Variants in CADM2 observed in about 807,000 individuals in gnomAD.
CADM2 encodes the protein cell adhesion molecule 2.
CADM2 carries 12 observed loss-of-function variants against 49.8 expected under a neutral mutation model. The ratio of observed to expected loss-of-function variants is 0.24; its 90% CI spans 0.15 to 0.39. CADM2 has a LOEUF of 0.39. Ranked by LOEUF, CADM2 falls within the 10% of genes least tolerant of loss-of-function variation. The pLI is 1.00. For synonymous variants in CADM2, 214 were observed against 175.4 expected, an observed-to-expected ratio of 1.22 and a Z score of -1.74; for missense variants, 378 against 492.3, an observed-to-expected ratio of 0.77 and a Z score of 2.20.
At chr3:85,099,807 T>A (rs1475301649) in intron 1 of CADM2, among the ~76,000 whole-genome samples, 1 of 152,056 alleles carries the variant, frequency 6.6e-6, no homozygotes, top group African/African-American at 2.4e-5. Flanking sequence ...TTTGCATGCA[T>A]GGCTATACAC....
intron 8 of CADM2, among the ~76,000 whole-genome samples, chr3:86,042,197 A>G (rs1321318790): frequency 6.6e-6 from 1 of 152,178 alleles, no homozygotes; most frequent in Non-Finnish European, 1.5e-5. Flanking sequence ...ACACATTCAA[A>G]AGCTAGCAGA....
At chr3:85,533,345 G>A (rs1301298160) in intron 1 of CADM2, among the ~76,000 whole-genome samples, 1 of 152,074 alleles carries the variant, frequency 6.6e-6, no homozygotes, top group Non-Finnish European at 1.5e-5. Context: ...AGCACAGCAG[G>A]TGATATTGGT....
At position 85,307,853 on chromosome 3, in the gene CADM2, A is replaced by G. The variant is rs568768293; in HGVS notation, c.61+348185A>G. Among the ~76,000 whole-genome samples, 11 of 151,846 alleles carry G rather than the reference A, an allele frequency of 7.2e-5. No individual in the cohort carries two copies. In the East Asian group the frequency reaches 2.1e-3, roughly 29 times the overall value. On this transcript the variant is annotated intron_variant, in intron 1 of 9. Coordinates refer to ENST00000383699, the MANE Select transcript of CADM2 (RefSeq NM_001167675.2). ...ATATTGTTATTTGTTTCACAGCATTAGAATTTAATTTGATTAAGTTAGAGC... is the reference window on the plus strand; with the variant it reads ...ATATTGTTATTTGTTTCACAGCATTGGAATTTAATTTGATTAAGTTAGAGC...
intron 6 of CADM2, among the ~76,000 whole-genome samples, chr3:85,913,255 A>T (rs1265617680): frequency 6.6e-6 from 1 of 152,230 alleles, no homozygotes; most frequent in Non-Finnish European, 1.5e-5. Flanking sequence ...TTTAGTACCT[A>T]GCAAGGTTTT....
intron 1 of CADM2, among the ~76,000 whole-genome samples, chr3:85,021,871 A>G (rs1576052769): frequency 6.6e-6 from 1 of 152,324 alleles, no homozygotes; most frequent in Non-Finnish European, 1.5e-5. Flanking sequence ...ACGTGTTATA[A>G]TCTTACAGAA....
At chr3:85,889,570 C>T (rs1230530911) in intron 5 of CADM2, among the ~76,000 whole-genome samples, 4 of 152,198 alleles carry the variant, frequency 2.6e-5, no homozygotes, top group Admixed American at 1.3e-4. Context: ...GCCTCTGTCT[C>T]TGAGCTTTCT....
chr3:85,982,885 TTTAC>T (rs1727649363), intron 8 of CADM2, among the ~76,000 whole-genome samples: 1 of 151,718 alleles, frequency 6.6e-6, no homozygotes, highest in Admixed American at 6.6e-5. Context: ...TTCTTTTTGG[TTTAC>T]TTATTTCATT....
chr3:85,814,706 T>A (rs1004546296), intron 3 of CADM2, among the ~76,000 whole-genome samples: 5 of 151,854 alleles, frequency 3.3e-5, no homozygotes, highest in Non-Finnish European at 5.9e-5. Flanking sequence ...TGATCCCACA[T>A]AAATACCATC....
intron 1 of CADM2, among the ~76,000 whole-genome samples, chr3:85,454,347 TA>T (rs1462145488): frequency 6.6e-6 from 1 of 151,424 alleles, no homozygotes; most frequent in Non-Finnish European, 1.5e-5. Flanking sequence ...AAAAAGTTTT[TA>T]AAAAAATGCA....
chr3:85,035,976 T>C (rs776593649), intron 1 of CADM2, among the ~76,000 whole-genome samples: 3 of 152,216 alleles, frequency 2.0e-5, no homozygotes, highest in Non-Finnish European at 2.9e-5. Flanking sequence ...GAGAGCACAG[T>C]GCTAAGCATT....
chr3:85,337,559 C>T (rs1402756777), intron 1 of CADM2, among the ~76,000 whole-genome samples: 1 of 151,402 alleles, frequency 6.6e-6, no homozygotes, highest in Non-Finnish European at 1.5e-5. Flanking sequence ...TTTCTGCTCG[C>T]AACTGAACCT....
intron 1 of CADM2, among the ~76,000 whole-genome samples, chr3:85,403,594 G>A (rs948020309): frequency 4.6e-5 from 7 of 152,070 alleles, no homozygotes; most frequent in East Asian, 1.9e-4. Flanking sequence ...GGCAGATCTG[G>A]TCTTCACCAC....
intron 1 of CADM2, among the ~76,000 whole-genome samples, chr3:85,316,740 A>C (rs942693102): frequency 6.6e-6 from 1 of 152,188 alleles, no homozygotes; most frequent in Non-Finnish European, 1.5e-5. Flanking sequence ...AAATGTTAAC[A>C]TAGTGAACTG....
At chr3:85,195,446 A>G (rs2041319333) in intron 1 of CADM2, among the ~76,000 whole-genome samples, 1 of 151,878 alleles carries the variant, frequency 6.6e-6, no homozygotes, top group Non-Finnish European at 1.5e-5. Flanking sequence ...TGTGTCTCCC[A>G]TGTAAGCTAT....
At chr3:85,899,031 T>A (rs1715735827) in intron 5 of CADM2, among the ~76,000 whole-genome samples, 1 of 134,236 alleles carries the variant, frequency 7.4e-6, no homozygotes, top group African/African-American at 2.7e-5. Context: ...AGCGGTGCAA[T>A]CTTGGCTCAC....
At chr3:85,657,270 T>A (rs954050485) in intron 1 of CADM2, among the ~76,000 whole-genome samples, 1 of 152,092 alleles carries the variant, frequency 6.6e-6, no homozygotes, top group African/African-American at 2.4e-5. Context: ...CTTATTTGAG[T>A]TTTCAGCTTT....
At chr3:85,850,786 A>G (rs2075077788) in intron 3 of CADM2, among the ~76,000 whole-genome samples, 1 of 152,014 alleles carries the variant, frequency 6.6e-6, no homozygotes, top group African/African-American at 2.4e-5. Context: ...TATAAGTTTA[A>G]TCTTAGTGTT....
At chr3:85,473,670 C>T (rs2038860880) in intron 1 of CADM2, among the ~76,000 whole-genome samples, 1 of 152,050 alleles carries the variant, frequency 6.6e-6, no homozygotes, top group African/African-American at 2.4e-5. Context: ...ATAACAGCAA[C>T]TTCATTATTT....
At chr3:85,284,027 C>T (rs1216317065) in intron 1 of CADM2, among the ~76,000 whole-genome samples, 1 of 152,034 alleles carries the variant, frequency 6.6e-6, no homozygotes, top group East Asian at 1.9e-4. Flanking sequence ...AGCAAGAGGA[C>T]CACAGGTTAA....
Sources: gnomAD v4.1 joint callset for allele counts (sites outside exome capture counted in the v4.1 genomes callset) on GRCh38, gnomAD v4.1.1 for gene constraint, MANE v1.5 for transcripts, NCBI Gene and HGNC (gene_info 2026-07-23, HGNC 2026-07-21) for gene names.